Variants in CSMD1 observed in about 807,000 individuals in gnomAD.
CSMD1 encodes CUB and sushi domain-containing protein 1.
A neutral mutation model predicts 417.5 loss-of-function variants in CSMD1; 213 were observed. The ratio of observed to expected loss-of-function variants is 0.51; its 90% confidence interval spans 0.46 to 0.57. The LOEUF (loss-of-function observed/expected upper bound fraction) is 0.57. Ranked by LOEUF, CSMD1 falls within the 20% of genes least tolerant of loss-of-function variation. The pLI is 0.00. For synonymous variants in CSMD1, 2,862 were observed against 1,736.8 expected, an observed-to-expected ratio of 1.65 and a Z score of -16.11; for missense variants, 6,923 against 4,529.7, an observed-to-expected ratio of 1.53 and a Z score of -15.17.
intron 26 of CSMD1, among the ~76,000 whole-genome samples, chr8:3,272,420 T>C: frequency 6.6e-6 from 1 of 150,892 alleles, no homozygotes; most frequent in Non-Finnish European, 1.5e-5. Context: ...GTGGGCTCCT[T>C]TTTGGTTCCA....
chr8:4,892,917 T>A (rs908484160), intron 1 of CSMD1, among the ~76,000 whole-genome samples: 2 of 152,136 alleles, frequency 1.3e-5, no homozygotes, highest in Non-Finnish European at 2.9e-5. Flanking sequence ...ATTAATGAAG[T>A]GAATATATTT....
chr8:4,925,737 C>T lies in CSMD1; in HGVS notation c.85+68595G>A, dbSNP rs530066448. ...AATTTTTTTGTATTTTTAGTAGAGACGGGGTTTCACCGTGTTGGTCAGGAT... is the reference window on the plus strand; with the variant it reads ...AATTTTTTTGTATTTTTAGTAGAGATGGGGTTTCACCGTGTTGGTCAGGAT... On this transcript the variant is annotated intron_variant, in intron 1 of 69. Coordinates refer to ENST00000635120, the MANE Select transcript of CSMD1 (RefSeq NM_033225.6). Among the ~76,000 whole-genome samples the T allele has an allele frequency of 3.4e-3, 513 of 152,098 alleles. 7 individuals carry two copies. The highest frequency in any genetic ancestry group is 2.0e-3 in the Non-Finnish European group (133 of 67,996).
chr8:3,870,676 G>A (rs62482693), intron 5 of CSMD1, among the ~76,000 whole-genome samples: 11,952 of 152,144 alleles, frequency 0.079, 529 homozygotes, highest in South Asian at 0.15. Flanking sequence ...CTGAATATTA[G>A]AGGGATGTTA....
chr8:4,408,647 G>A (rs927561889), intron 3 of CSMD1, among the ~76,000 whole-genome samples: 1 of 152,136 alleles, frequency 6.6e-6, no homozygotes. Flanking sequence ...ACCATTTCAA[G>A]TTGATCAATT....
chr8:4,686,204 T>C (rs918983064), intron 1 of CSMD1, among the ~76,000 whole-genome samples: 1 of 152,238 alleles, frequency 6.6e-6, no homozygotes, highest in African/African-American at 2.4e-5. Context: ...CCTTTGGAGT[T>C]AGTAAGGCTT....
rs1019135332 is a variant in CSMD1, at chr8:4,132,182, T to C, written c.416-100083A>G. On this transcript the variant is annotated intron_variant, in intron 3 of 69. Coordinates refer to ENST00000635120, the MANE Select transcript of CSMD1 (RefSeq NM_033225.6). ...TGCCTGTTTGTTTATGCGGGTAAAA[T>C]TTGTCATGGATTTTTTTTTTTTTTT... Among the ~76,000 whole-genome samples, 10 of 144,080 alleles carry C rather than the reference T, an allele frequency of 6.9e-5. No individual in the cohort carries two copies. In the East Asian group the frequency reaches 1.5e-3, roughly 21 times the overall value. The allele number at this position is 144,080 out of a possible 152,430, so 94.5% of individuals were successfully genotyped here.
At chr8:3,053,988 A>G (rs962435419) in intron 49 of CSMD1, among the ~76,000 whole-genome samples, 2 of 152,230 alleles carry the variant, frequency 1.3e-5, no homozygotes, top group African/African-American at 4.8e-5. Flanking sequence ...GGCTGGATGA[A>G]GAAATGTATA....
chr8:4,754,332 T>C (rs1459898125), intron 1 of CSMD1, among the ~76,000 whole-genome samples: 2 of 152,222 alleles, frequency 1.3e-5, no homozygotes, highest in Admixed American at 1.3e-4. Context: ...AACATTCAAC[T>C]TGAAACCTTG....
At chr8:2,968,930 A>G (rs1248944157) in intron 57 of CSMD1, among the ~76,000 whole-genome samples, 1 of 152,134 alleles carries the variant, frequency 6.6e-6, no homozygotes, top group Non-Finnish European at 1.5e-5. Context: ...TTAACTCAGC[A>G]TATAATAAAA....
At position 4,737,602 on chromosome 8, in the gene CSMD1, T is replaced by C. The variant is rs1035482413; in HGVS notation, c.86-100044A>G. ...AGACTCACCTTCTTCATCTCTATCT[T>C]TATACTAGCACTATATTTTACACAT... On this transcript the variant is annotated intron_variant, in intron 1 of 69. Coordinates refer to ENST00000635120, the MANE Select transcript of CSMD1 (RefSeq NM_033225.6). 2.6e-5 allele frequency among the ~76,000 whole-genome samples: 4 copies of C among 152,208 alleles called. No homozygotes were observed. In the South Asian group the frequency reaches 8.3e-4, roughly 31 times the overall value.
chr8:3,705,378 G>C (rs1171501974), intron 7 of CSMD1, among the ~76,000 whole-genome samples: 1 of 152,156 alleles, frequency 6.6e-6, no homozygotes. Context: ...CTTCCCACGG[G>C]CAGAATACAG....
chr8:3,432,206 G>T (rs1490064430), intron 12 of CSMD1, among the ~76,000 whole-genome samples: 1 of 152,104 alleles, frequency 6.6e-6, no homozygotes, highest in Non-Finnish European at 1.5e-5. Flanking sequence ...GGCATGGGTA[G>T]AGAACTGAAT....
At chr8:3,998,779 T>C (rs764053037) in intron 4 of CSMD1, among the ~76,000 whole-genome samples, 1 of 151,740 alleles carries the variant, frequency 6.6e-6, no homozygotes, top group African/African-American at 2.4e-5. Context: ...AGGAAACAGA[T>C]CTTGGTAAGT....
intron 5 of CSMD1, among the ~76,000 whole-genome samples, chr8:3,949,504 C>G (rs1811458909): frequency 6.6e-6 from 1 of 152,116 alleles, no homozygotes; most frequent in Non-Finnish European, 1.5e-5. Context: ...TATTATTACA[C>G]TGTCAGGAGC....
At chr8:3,207,838 C>A (rs1797391122) in intron 30 of CSMD1, among the ~76,000 whole-genome samples, 1 of 152,124 alleles carries the variant, frequency 6.6e-6, no homozygotes, top group Admixed American at 6.5e-5. Context: ...TAAAACACTT[C>A]TATTTAGGTT....
At chr8:4,551,635 G>A (rs1182217757) in intron 2 of CSMD1, among the ~76,000 whole-genome samples, 1 of 151,922 alleles carries the variant, frequency 6.6e-6, no homozygotes, top group Admixed American at 6.6e-5. Flanking sequence ...TTAACATACA[G>A]GACAATGTTG....
In CSMD1 at chr8:4,994,348, G is replaced by T; in HGVS notation, c.69C>A (p.Leu23=). 6.2e-7 allele frequency: 1 copy of T among 1,611,186 alleles called. No homozygotes were observed. The highest frequency in any genetic ancestry group is 8.5e-7 in the Non-Finnish European group (1 of 1,179,824). ...CCGTCTTACCCTTCGCTGCAGTGAG[G>T]AGCCTCGCGCACAGCACCAGCAGCC... is the stretch of plus-strand genomic sequence containing the variant. ...LLGLLVLCAR[L]LTAAKGQNCG... is the part of the protein sequence containing the mutation. The change falls in exon 1 of 70, where the codon CTC becomes CTA. Residue 23 remains leucine (L), a synonymous_variant. Coordinates refer to ENST00000635120, the MANE Select transcript of CSMD1 (RefSeq NM_033225.6).
chr8:3,925,277 G>A (rs991342240), intron 5 of CSMD1, among the ~76,000 whole-genome samples: 2 of 152,192 alleles, frequency 1.3e-5, no homozygotes, highest in South Asian at 4.1e-4. Context: ...TTCAGCGATT[G>A]CTACAATAAC....
chr8:3,383,791 C>T (rs1028099108), intron 18 of CSMD1, among the ~76,000 whole-genome samples: 4 of 151,936 alleles, frequency 2.6e-5, no homozygotes, highest in Admixed American at 6.6e-5. Flanking sequence ...CATCAATGTC[C>T]AATAAATATA....
Sources: allele counts gnomAD v4.1 joint callset (sites outside exome capture counted in the v4.1 genomes callset), GRCh38; gene constraint gnomAD v4.1.1; transcripts MANE v1.5; gene names NCBI Gene and HGNC (gene_info 2026-07-23, HGNC 2026-07-21).